KCNQ5: variants seen among roughly 807,000 people sequenced by gnomAD.
The protein encoded by KCNQ5 is potassium voltage-gated channel subfamily Q member 5.
Under a neutral mutation model 98.2 loss-of-function variants are expected in KCNQ5, and 30 were observed. That is an observed-to-expected ratio of 0.31 (90% confidence interval 0.23 to 0.41). The LOEUF (loss-of-function observed/expected upper bound fraction) is 0.41. Among genes scored for constraint, KCNQ5 ranks in the 10% least tolerant of loss-of-function variants. The pLI is 1.00. For synonymous variants in KCNQ5, 458 were observed against 449.4 expected (o/e 1.02, Z -0.24); for missense variants, 835 against 1,182.5 (o/e 0.71, Z 4.31).
chr6:72,852,383 AT>A (rs945107948), intron 1 of KCNQ5, among the ~76,000 whole-genome samples: 173 of 151,030 alleles, frequency 1.1e-3, no homozygotes, highest in African/African-American at 3.8e-3. Context: ...GGATGAATGG[AT>A]TTTTTTTTAA....
At chr6:72,909,574 G>A (rs1006022010) in intron 1 of KCNQ5, among the ~76,000 whole-genome samples, 3 of 152,112 alleles carry the variant, frequency 2.0e-5, no homozygotes, top group Non-Finnish European at 4.4e-5. Context: ...TCCAGAGCTG[G>A]GGCCTCAAGA....
intron 1 of KCNQ5, among the ~76,000 whole-genome samples, chr6:72,818,775 A>G (rs546617165): frequency 6.6e-6 from 1 of 151,290 alleles, no homozygotes; most frequent in Non-Finnish European, 1.5e-5. Flanking sequence ...TTTAATTTAA[A>G]TTTTTAAGTT....
At chr6:72,938,807 CAT>C (rs1359239842) in intron 1 of KCNQ5, among the ~76,000 whole-genome samples, 1 of 152,120 alleles carries the variant, frequency 6.6e-6, no homozygotes, top group Non-Finnish European at 1.5e-5. Context: ...GGAAAACTGA[CAT>C]ATAAACAAAA....
chr6:73,066,452 C>T (rs546292699), intron 3 of KCNQ5, among the ~76,000 whole-genome samples: 1 of 152,272 alleles, frequency 6.6e-6, no homozygotes, highest in South Asian at 2.1e-4. Flanking sequence ...ATTCACTGCT[C>T]TATACCTCAT....
At chr6:73,158,210 CGTT>C in intron 10 of KCNQ5, 1 of 247,682 alleles carries the variant, frequency 4.0e-6, no homozygotes, top group Non-Finnish European at 8.0e-6. Context: ...CCGGCCCCAG[CGTT>C]GTGTGGGCAT....
At position 72,655,548 on chromosome 6, in the gene KCNQ5, C is replaced by T. The variant is rs149664133; in HGVS notation, c.398+32961C>T. Among the ~76,000 whole-genome samples, 94 of 152,030 alleles carry T rather than the reference C, an allele frequency of 6.2e-4. 1 individual carries two copies. The East Asian group carries it at 0.014, about 22-fold the overall frequency. ...AAGAAATGAGAGTAATGCCAGGCTC[C>T]GGATGAGGAACAACATGGGCAAAGA... is the stretch of plus-strand genomic sequence containing the variant. On this transcript the variant is annotated intron_variant, in intron 1 of 13. Coordinates refer to ENST00000370398, the MANE Select transcript of KCNQ5 (RefSeq NM_019842.4).
At position 73,137,745 on chromosome 6, in the gene KCNQ5, G is replaced by C. The variant is rs561976853; in HGVS notation, c.1468+4104G>C. 1.2e-4 allele frequency among the ~76,000 whole-genome samples: 18 copies of C among 152,202 alleles called. 1 individual carries two copies. The South Asian group carries it at 3.7e-3, about 32-fold the overall frequency. On this transcript the variant is annotated intron_variant, in intron 10 of 13. Coordinates refer to ENST00000370398, the MANE Select transcript of KCNQ5 (RefSeq NM_019842.4). The stretch of plus-strand genomic sequence containing the variant: ...AGTTGAATCTAAGTAACTTGCCCAA[G>C]GTCTAGCAGGTATAAGTAAAGGAGC...
At position 72,962,182 on chromosome 6, in the gene KCNQ5, A is replaced by AATAT. The variant is rs369197941; in HGVS notation, c.399-41710_399-41707dup. Among the ~76,000 whole-genome samples, 1,286 of 129,196 alleles carry AATAT rather than the reference A, an allele frequency of 1.0e-2. 10 individuals are homozygous for AATAT. The highest frequency in any genetic ancestry group is 0.016 in the South Asian group (63 of 3,908). 84.8% of individuals were successfully genotyped at this position (129,196 alleles called of 152,430 possible). ...GACAGAGTGAGACCTTGTTTCTCTAAATATATATATATATATATACATATA... is the reference window on the plus strand; with the variant it reads ...GACAGAGTGAGACCTTGTTTCTCTAAATATATATATATATATATATATACATATA... On this transcript the variant is annotated intron_variant, in intron 1 of 13. Transcript: ENST00000370398.
chr6:73,094,169 CT>C (rs1016403128), intron 5 of KCNQ5, among the ~76,000 whole-genome samples: 206 of 152,152 alleles, frequency 1.4e-3, no homozygotes, highest in Non-Finnish European at 2.5e-3. Context: ...CCCTCTTTGT[CT>C]TTTTTAACTG....
chr6:72,963,174 G>T lies in KCNQ5; in HGVS notation c.399-40734G>T, dbSNP rs527559719. Among the ~76,000 whole-genome samples, 14 of 152,240 alleles carry T rather than the reference G, an allele frequency of 9.2e-5. No homozygotes were observed. In the South Asian group the frequency reaches 2.9e-3, roughly 32 times the overall value. On this transcript the variant is annotated intron_variant, in intron 1 of 13. Coordinates refer to ENST00000370398, the MANE Select transcript of KCNQ5 (RefSeq NM_019842.4). ...AGAGTGAGTTTCCTTTGAAGGCAGT[G>T]ATAAGAGTTTAAACTTCAGGTCTAA...
intron 1 of KCNQ5, among the ~76,000 whole-genome samples, chr6:72,859,343 G>A (rs968019504): frequency 1.3e-5 from 2 of 152,174 alleles, no homozygotes; most frequent in Non-Finnish European, 2.9e-5. Context: ...TTAAGCATGG[G>A]TGGCAAAAGT....
chr6:72,958,991 C>T (rs1355891746), intron 1 of KCNQ5, among the ~76,000 whole-genome samples: 1 of 152,222 alleles, frequency 6.6e-6, no homozygotes, highest in African/African-American at 2.4e-5. Context: ...GTTTATCTTT[C>T]TCTTTTCTCC....
At chr6:72,858,231 T>C (rs1777611162) in intron 1 of KCNQ5, among the ~76,000 whole-genome samples, 1 of 152,092 alleles carries the variant, frequency 6.6e-6, no homozygotes, top group African/African-American at 2.4e-5. Flanking sequence ...TAGAGAAAAA[T>C]TTCACAGATG....
At chr6:73,075,865 A>G (rs1210000457) in intron 3 of KCNQ5, among the ~76,000 whole-genome samples, 1 of 152,064 alleles carries the variant, frequency 6.6e-6, no homozygotes, top group African/African-American at 2.4e-5. Flanking sequence ...GCAACATAGC[A>G]ATACCCCATC....
intron 10 of KCNQ5, among the ~76,000 whole-genome samples, chr6:73,167,193 T>C (rs768482724): frequency 6.6e-6 from 1 of 152,192 alleles, no homozygotes; most frequent in Admixed American, 6.5e-5. Context: ...AGGTCATCAC[T>C]GAGTCAGAAC....
At chr6:73,115,796 G>A (rs1368045425) in intron 7 of KCNQ5, among the ~76,000 whole-genome samples, 1 of 152,056 alleles carries the variant, frequency 6.6e-6, no homozygotes, top group African/African-American at 2.4e-5. Context: ...ACAACAAGGG[G>A]ATAAGCCAAG....
In KCNQ5 at chr6:73,003,964, A is replaced by G; in HGVS notation, c.455A>G (p.His152Arg). The G allele has an allele frequency of 6.2e-7, 1 of 1,613,288 alleles. No homozygotes were observed. Among genetic ancestry groups the G allele is most frequent in the Non-Finnish European group, 8.5e-7 (1 of 1,179,404 alleles). Residue 152 changes from histidine (H) to arginine (R), a missense_variant, in exon 2 of 14, where the codon CAC (histidine) becomes CGC (arginine). This residue lies in a region of KCNQ5 where 20 missense variants were observed against 16.1 expected (regional missense o/e 1.24). Transcript: ENST00000370398. Reference sequence around the variant, plus strand: ...TCAGTGTTTTCTACCATCCCTGAGCACACAAAATTGGCCTCAAGTTGCCTC... The same window carrying G: ...TCAGTGTTTTCTACCATCCCTGAGCGCACAAAATTGGCCTCAAGTTGCCTC... The part of the protein sequence containing the change: ...ILSVFSTIPE[H>R]TKLASSCLLI...
intron 1 of KCNQ5, among the ~76,000 whole-genome samples, chr6:72,655,459 A>G (rs935877437): frequency 6.6e-6 from 1 of 152,128 alleles, no homozygotes; most frequent in African/African-American, 2.4e-5. Context: ...GAGACAGAGC[A>G]TCTGGTTGAG....
At chr6:73,013,038 G>A (rs1770156670) in intron 2 of KCNQ5, among the ~76,000 whole-genome samples, 1 of 151,960 alleles carries the variant, frequency 6.6e-6, no homozygotes, top group Non-Finnish European at 1.5e-5. Context: ...ACAAGTACAG[G>A]TGAACTGTGG....
Sources: gnomAD v4.1 joint callset for allele counts (sites outside exome capture counted in the v4.1 genomes callset) on GRCh38, gnomAD v4.1.1 for gene constraint, gnomAD v4.1.1 regional missense constraint, MANE v1.5 for transcripts, NCBI Gene and HGNC (gene_info 2026-07-23, HGNC 2026-07-21) for gene names.